Variants in BRWD3 observed in about 807,000 individuals in gnomAD.
The protein encoded by BRWD3 is bromodomain and WD repeat domain containing 3, also known as bromodomain and WD repeat-containing protein 3.
A neutral mutation model predicts 149.7 loss-of-function variants in BRWD3; 10 were observed. That is an observed-to-expected ratio of 0.07 (90% confidence interval 0.04 to 0.11). The LOEUF (loss-of-function observed/expected upper bound fraction) is 0.11, where lower values mean the gene tolerates loss of function less well. Ranked by LOEUF, BRWD3 falls within the 10% of genes least tolerant of loss-of-function variation. BRWD3 has a pLI of 1.00. For missense variants in BRWD3, 940 were observed against 1,373.2 expected (o/e 0.68, Z 4.99); for synonymous variants, 504 against 456.7 (o/e 1.10, Z -1.32).
At chrX:80,719,697 T>G (rs1249629035) in intron 17 of BRWD3, 41 bp from the exon 18 acceptor site, 2 of 1,154,158 alleles carry the variant, frequency 1.7e-6, no homozygotes, top group African/African-American at 3.6e-5. Context: ...TTACTTACAT[T>G]TTAGTATACC....
chrX:80,792,670 T>G (rs1488498642), intron 5 of BRWD3, among the ~76,000 whole-genome samples: 1 of 111,672 alleles, frequency 9.0e-6, no homozygotes, highest in Non-Finnish European at 1.9e-5. Flanking sequence ...TTTAAAATAG[T>G]ATGCTAATTA....
rs766984838 is a variant in BRWD3 at position 80,745,672 on chromosome X, G to A, written c.488C>T (p.Pro163Leu). Reference protein sequence around the residue: ...TGCSRFGHIFPSSAYQHIKMH... With the variant: ...TGCSRFGHIFLSSAYQHIKMH... ...CTTAATGTGCTGGTAAGCAGATGAA[G>A]GGAAAATATGACCAAAGCGACTACA... is the stretch of plus-strand genomic sequence containing the variant. The change falls in exon 7 of 41, where the codon CCT (proline) becomes CTT (leucine). Residue 163 changes from proline to leucine, a missense_variant. By Grantham distance (98) the Pro-to-Leu change is moderately conservative. This residue lies in a region of BRWD3 where 105 missense variants were observed against 127.7 expected (regional missense o/e 0.82). Coordinates refer to ENST00000373275, the MANE Select transcript of BRWD3 (RefSeq NM_153252.5). The A allele has an allele frequency of 8.3e-7, 1 of 1,207,397 alleles. No individual in the cohort carries two copies. Among genetic ancestry groups the A allele is most frequent in the Non-Finnish European group, 1.1e-6 (1 of 893,694 alleles).
chrX:80,712,268 C>A (rs1323551788), intron 20 of BRWD3, among the ~76,000 whole-genome samples: 2 of 111,370 alleles, frequency 1.8e-5, no homozygotes, highest in African/African-American at 6.5e-5. Context: ...CCTGCCTCAG[C>A]CTGCCGAGTG....
intron 6 of BRWD3, among the ~76,000 whole-genome samples, chrX:80,768,407 G>C (rs1047127011): frequency 8.9e-6 from 1 of 111,809 alleles, no homozygotes; most frequent in Non-Finnish European, 1.9e-5. Context: ...CAAGCCAGAA[G>C]AGATTGGGGG....
In BRWD3 at chrX:80,671,488, C is replaced by T. The variant is rs2072322849; in HGVS notation, c.*5121G>A. The T allele has an allele frequency of 8.9e-6, 1 of 111,861 alleles. No homozygotes were observed. Among genetic ancestry groups the T allele is most frequent in the African/African-American group, 3.2e-5 (1 of 30,843 alleles). 9.2% of individuals were successfully genotyped at this position (111,861 alleles called of 1,213,427 possible). On this transcript the variant is annotated 3_prime_UTR_variant, in exon 41 of 41. Coordinates refer to ENST00000373275, the MANE Select transcript of BRWD3 (RefSeq NM_153252.5). ...TGAATAGGTAACTCCATATTTCTTT[C>T]TTCTGGTTAATTTTTCTCTGGTACA...
chrX:80,750,546 G>A (rs1357668005), intron 6 of BRWD3, among the ~76,000 whole-genome samples: 1 of 111,274 alleles, frequency 9.0e-6, no homozygotes, highest in Non-Finnish European at 1.9e-5. Context: ...ACACCTGTTA[G>A]AATGGGTATT....
At chrX:80,735,371 C>A (rs1310004238) in intron 9 of BRWD3, among the ~76,000 whole-genome samples, 174 bp from the exon 10 acceptor site, 1 of 111,534 alleles carries the variant, frequency 9.0e-6, no homozygotes, top group South Asian at 3.7e-4. Context: ...TTTAACCTTG[C>A]AAATATACTT....
At chrX:80,741,783 T>G (rs1331428511) in intron 8 of BRWD3, among the ~76,000 whole-genome samples, 1 of 112,064 alleles carries the variant, frequency 8.9e-6, no homozygotes, top group Non-Finnish European at 1.9e-5. Context: ...TAAATTTGTT[T>G]GAGTTCATTG....
chrX:80,697,726 CATCTAG>C (rs778019024), intron 25 of BRWD3, among the ~76,000 whole-genome samples: 1 of 112,126 alleles, frequency 8.9e-6, no homozygotes, highest in Admixed American at 9.5e-5. Flanking sequence ...CACTGACGGG[CATCTAG>C]ATTGATTCCA....
chrX:80,796,124 A>T (rs1440898501), intron 4 of BRWD3, among the ~76,000 whole-genome samples: 1 of 108,458 alleles, frequency 9.2e-6, no homozygotes, highest in East Asian at 3.0e-4. Context: ...AACTATAATC[A>T]ATGTTTTTGT....
At chrX:80,796,979 G>C (rs1306215602) in intron 4 of BRWD3, among the ~76,000 whole-genome samples, 1 of 110,670 alleles carries the variant, frequency 9.0e-6, no homozygotes, top group Non-Finnish European at 1.9e-5. Context: ...TTCGAGACTC[G>C]CCTGGTAAAC....
intron 6 of BRWD3, among the ~76,000 whole-genome samples, chrX:80,785,840 C>A (rs752147862): frequency 1.8e-5 from 2 of 111,959 alleles, no homozygotes; most frequent in African/African-American, 6.5e-5. Flanking sequence ...CCAGCCTAGC[C>A]AACATGGCAA....
At chrX:80,726,991 G>A (rs2073259718) in intron 14 of BRWD3, among the ~76,000 whole-genome samples, 1 of 105,276 alleles carries the variant, frequency 9.5e-6, no homozygotes, top group Non-Finnish European at 1.9e-5. Context: ...TGTACATTAG[G>A]GAAAAAAAAA....
Position 80,717,689 on chromosome X carries a change from A to G in BRWD3, c.2115T>C (p.Ile705=). 1 of 1,211,152 alleles carries G rather than the reference A, an allele frequency of 8.3e-7. No individual in the cohort carries two copies. Among genetic ancestry groups the G allele is most frequent in the Non-Finnish European group, 1.1e-6 (1 of 894,963 alleles). The part of the protein sequence containing the change: ...NIRLRRHSSQ[I]EGVRQMHNNA... ...TGTTATGCATTTGTCTAACACCTTC[A>G]ATTTGACTACTATGTCTTCGAAGCC... Residue 705 remains isoleucine, a synonymous_variant, in exon 19 of 41, where the codon ATT becomes ATC. Coordinates refer to ENST00000373275, the MANE Select transcript of BRWD3 (RefSeq NM_153252.5).
At chrX:80,809,083 C>G in intron 2 of BRWD3, 41 bp from the exon 3 acceptor site, 1 of 1,172,624 alleles carries the variant, frequency 8.5e-7, no homozygotes, top group Non-Finnish European at 1.1e-6. Flanking sequence ...GCAGCTCGGG[C>G]CATCAACCCA....
chrX:80,700,662 G>A (rs987057210), intron 24 of BRWD3, among the ~76,000 whole-genome samples: 1 of 105,440 alleles, frequency 9.5e-6, no homozygotes, highest in African/African-American at 3.4e-5. Context: ...ACTTGAACCC[G>A]GGAAGCGGAG....
intron 6 of BRWD3, among the ~76,000 whole-genome samples, chrX:80,784,364 T>C (rs1246676480): frequency 1.8e-5 from 2 of 112,316 alleles, no homozygotes; most frequent in Non-Finnish European, 3.8e-5. Flanking sequence ...ACAATACTAG[T>C]TCTTCAAATA....
chrX:80,788,085 AAAATAAATAAATAAATAAATAAAT>A (rs554615479), intron 6 of BRWD3, among the ~76,000 whole-genome samples: 9 of 88,257 alleles, frequency 1.0e-4, no homozygotes, highest in African/African-American at 2.2e-4. Context: ...CTCTGTCTCA[AAAATAAATAAATAAATAAATAAAT>A]AAATAAATAA....
At chrX:80,736,140 A>T (rs1276756516) in intron 8 of BRWD3, 52 bp from the exon 9 acceptor site, 1 of 711,012 alleles carries the variant, frequency 1.4e-6, no homozygotes, top group Admixed American at 2.9e-5. Context: ...GTTCAGCCTA[A>T]CATCAAACAC....
Sources: allele counts gnomAD v4.1 joint callset (sites outside exome capture counted in the v4.1 genomes callset), GRCh38; gene constraint gnomAD v4.1.1; regional missense constraint gnomAD v4.1.1; transcripts MANE v1.5; gene names NCBI Gene and HGNC (gene_info 2026-07-23, HGNC 2026-07-21).